CSMD1: variants seen among roughly 807,000 people sequenced by gnomAD.
CSMD1 encodes CUB and sushi domain-containing protein 1.
Under a neutral mutation model 417.5 loss-of-function variants are expected in CSMD1, and 213 were observed. That is an observed-to-expected ratio of 0.51 (90% CI 0.46 to 0.57). The LOEUF is 0.57. Among genes scored for constraint, CSMD1 ranks in the 20% least tolerant of loss-of-function variants. CSMD1 has a pLI of 0.00. For missense variants in CSMD1, 6,923 were observed against 4,529.7 expected (o/e 1.53, Z -15.17); for synonymous variants, 2,862 against 1,736.8 (o/e 1.65, Z -16.11).
chr8:4,904,448 G>A (rs962765450), intron 1 of CSMD1, among the ~76,000 whole-genome samples: 3 of 152,174 alleles, frequency 2.0e-5, no homozygotes, highest in Admixed American at 6.6e-5. Flanking sequence ...TATTTGAAGA[G>A]GTAAGAGACA....
chr8:3,979,451 A>T (rs915551650), intron 5 of CSMD1, among the ~76,000 whole-genome samples: 2 of 152,160 alleles, frequency 1.3e-5, no homozygotes, highest in Admixed American at 6.5e-5. Context: ...TGTGCATGCA[A>T]CTCACAGGAT....
At chr8:4,251,707 A>G (rs1803089157) in intron 3 of CSMD1, among the ~76,000 whole-genome samples, 1 of 152,112 alleles carries the variant, frequency 6.6e-6, no homozygotes, top group South Asian at 2.1e-4. Flanking sequence ...AGTTAAATGT[A>G]TGTGTACCTA....
At chr8:4,155,905 GA>G (rs1563198002) in intron 3 of CSMD1, among the ~76,000 whole-genome samples, 1 of 152,158 alleles carries the variant, frequency 6.6e-6, no homozygotes, top group South Asian at 2.1e-4. Context: ...GTAAGTGCGG[GA>G]ATGAGCTTTT....
chr8:3,262,711 G>A (rs1450165118), intron 26 of CSMD1, among the ~76,000 whole-genome samples: 2 of 152,052 alleles, frequency 1.3e-5, no homozygotes, highest in South Asian at 2.1e-4. Context: ...CCCCTCGAGA[G>A]TTCATTGTAA....
At chr8:4,637,016 T>G (rs2724975) in intron 2 of CSMD1, among the ~76,000 whole-genome samples, 110,909 of 151,712 alleles carry the variant, frequency 0.73, 40,852 homozygotes, top group Admixed American at 0.82. Flanking sequence ...AGGGCATTCC[T>G]ATAGGACAGA....
At chr8:4,385,373 A>G (rs953721136) in intron 3 of CSMD1, among the ~76,000 whole-genome samples, 3 of 152,248 alleles carry the variant, frequency 2.0e-5, no homozygotes. Flanking sequence ...ACGTGGCCCC[A>G]GCCTTAACAT....
chr8:4,535,904 T>A (rs561417654), intron 2 of CSMD1, among the ~76,000 whole-genome samples: 1 of 152,208 alleles, frequency 6.6e-6, no homozygotes, highest in Non-Finnish European at 1.5e-5. Flanking sequence ...TATAATTAAC[T>A]CTTTGTTGTT....
chr8:4,419,586 C>T (rs187830242), intron 3 of CSMD1, among the ~76,000 whole-genome samples: 16 of 152,280 alleles, frequency 1.1e-4, no homozygotes, highest in African/African-American at 3.9e-4. Flanking sequence ...CAAGCACTAT[C>T]AGTATAATTG....
intron 8 of CSMD1, among the ~76,000 whole-genome samples, chr8:3,603,722 A>G (rs1487759580): frequency 6.6e-6 from 1 of 152,202 alleles, no homozygotes; most frequent in Non-Finnish European, 1.5e-5. Flanking sequence ...ATTTTCTTAA[A>G]AAACCCCCTG....
intron 3 of CSMD1, among the ~76,000 whole-genome samples, chr8:4,150,891 G>T (rs7813436): frequency 2.1e-4 from 32 of 152,256 alleles, no homozygotes; most frequent in East Asian, 7.7e-4. Context: ...AGAAACGCCT[G>T]AGAAAGAGCA....
At chr8:3,930,683 C>G (rs1202861055) in intron 5 of CSMD1, among the ~76,000 whole-genome samples, 1 of 150,178 alleles carries the variant, frequency 6.7e-6, no homozygotes, top group Non-Finnish European at 1.5e-5. Context: ...AAACTGCTGG[C>G]AAGTGTACCC....
At chr8:4,863,251 A>T (rs1802238502) in intron 1 of CSMD1, among the ~76,000 whole-genome samples, 1 of 152,156 alleles carries the variant, frequency 6.6e-6, no homozygotes, top group South Asian at 2.1e-4. Flanking sequence ...TTTGAGAATT[A>T]TCTGAGAATA....
chr8:3,184,760 T>G (rs759956189), intron 36 of CSMD1, among the ~76,000 whole-genome samples: 94 of 152,350 alleles, frequency 6.2e-4, no homozygotes, highest in Non-Finnish European at 1.2e-3. Context: ...ATTCCTTTCC[T>G]GCCTCAGGAT....
intron 2 of CSMD1, among the ~76,000 whole-genome samples, chr8:4,501,505 C>T (rs1202197876): frequency 1.5e-4 from 23 of 152,170 alleles, no homozygotes; most frequent in Admixed American, 1.4e-3. Flanking sequence ...ACGTGTTCTC[C>T]TCATCTGCAG....
intron 6 of CSMD1, among the ~76,000 whole-genome samples, chr8:3,745,028 A>G (rs1264188553): frequency 6.6e-6 from 1 of 152,156 alleles, no homozygotes; most frequent in Non-Finnish European, 1.5e-5. Context: ...CGGGCAGTGA[A>G]TATTTATCAT....
At chr8:3,493,418 C>T (rs185590250) in intron 11 of CSMD1, among the ~76,000 whole-genome samples, 1 of 151,360 alleles carries the variant, frequency 6.6e-6, no homozygotes, top group Non-Finnish European at 1.5e-5. Flanking sequence ...TGAAGAAAAA[C>T]AGTCGAAACA....
chr8:3,609,500 G>T (rs1160436935), intron 8 of CSMD1, among the ~76,000 whole-genome samples: 1 of 152,036 alleles, frequency 6.6e-6, no homozygotes, highest in African/African-American at 2.4e-5. Flanking sequence ...CATAATGATA[G>T]AATTAATATT....
intron 3 of CSMD1, among the ~76,000 whole-genome samples, chr8:4,236,026 G>GTTTTTTT (rs147378202): frequency 5.6e-5 from 6 of 108,086 alleles, no homozygotes; most frequent in African/African-American, 2.5e-4. Context: ...AATGGATATT[G>GTTTTTTT]TTTTTTTTGT....
chr8:4,153,651 T>A (rs1356543407), intron 3 of CSMD1, among the ~76,000 whole-genome samples: 2 of 152,188 alleles, frequency 1.3e-5, no homozygotes, highest in Non-Finnish European at 2.9e-5. Flanking sequence ...CTGACATCCT[T>A]TATTTTCTCA....
Sources: allele counts gnomAD v4.1 joint callset (sites outside exome capture counted in the v4.1 genomes callset), GRCh38; gene constraint gnomAD v4.1.1; transcripts MANE v1.5; gene names NCBI Gene and HGNC (gene_info 2026-07-23, HGNC 2026-07-21).